The following RBFOX1 variants were observed in gnomAD, a reference collection of about 807,000 sequenced individuals.
RBFOX1 encodes RNA binding fox-1 homolog 1, also known as RNA binding protein fox-1 homolog 1.
A neutral mutation model predicts 57.7 loss-of-function variants in RBFOX1; 8 were observed. The ratio of observed to expected loss-of-function variants is 0.14; its 90% confidence interval spans 0.08 to 0.25. The LOEUF is 0.25. RBFOX1 is among the 10% of genes least tolerant of loss of function. The pLI, the probability that RBFOX1 is intolerant of heterozygous loss-of-function variation, is 1.00. For missense variants in RBFOX1, 611 were observed against 548.5 expected (o/e 1.11, Z -1.14); for synonymous variants, 326 against 222.4 (o/e 1.47, Z -4.15).
At chr16:5,364,907 G>A (rs564784424) in intron 1 of RBFOX1, among the ~76,000 whole-genome samples, 4 of 152,262 alleles carry the variant, frequency 2.6e-5, no homozygotes, top group Middle Eastern at 6.8e-3. Context: ...CCTCCATGAT[G>A]TCACGCTGGA....
At chr16:6,030,868 A>G (rs997312772) in intron 1 of RBFOX1, among the ~76,000 whole-genome samples, 8 of 152,174 alleles carry the variant, frequency 5.3e-5, no homozygotes, top group African/African-American at 1.9e-4. Flanking sequence ...GCATTCAGCA[A>G]ACATTTTTGA....
rs1555822424 is a variant in RBFOX1, at chr16:7,054,215, G to GGGT, written c.27+2119_27+2120insTGG. Among the ~76,000 whole-genome samples the GGGT allele has an allele frequency of 1.8e-3, 58 of 32,546 alleles. 4 individuals are homozygous for GGGT. Among genetic ancestry groups the GGGT allele is most frequent in the African/African-American group, 3.5e-3 (57 of 16,254 alleles). 21.4% of individuals were successfully genotyped at this position (32,546 alleles called of 152,430 possible). A position where few individuals can be genotyped will look rare whatever the true frequency, so the allele number is the denominator to read the frequency against. ...CTTATTAAGGTGATTTTTTTTTTCG[G>GGGT]GGGGGGGGGGCGGGGAGCTTTTTTT... On this transcript the variant is annotated intron_variant, in intron 4 of 15. Transcript: ENST00000550418.
At position 6,806,824 on chromosome 16, in the gene RBFOX1, A is replaced by ATG. The variant is rs2086906992; in HGVS notation, c.-16+152175_-16+152176insGT. Among the ~76,000 whole-genome samples, 3 of 69,726 alleles carry ATG rather than the reference A, an allele frequency of 4.3e-5. No homozygotes were observed. In the Admixed American group the frequency reaches 4.8e-4, roughly 11 times the overall value. The allele number at this position is 69,726 out of a possible 152,430, so 45.7% of individuals were successfully genotyped here. A position where few individuals can be genotyped will look rare whatever the true frequency, so the allele number is the denominator to read the frequency against. On this transcript the variant is annotated intron_variant, in intron 3 of 15. Transcript: ENST00000550418. ...TATATAAATAAATATATAAATATAT[A>ATG]TATATATATATATTTTTTTTTTTTT...
Position 6,850,326 on chromosome 16 carries a change from G to T in RBFOX1, c.-16+195676G>T, listed in dbSNP as rs111515255. Among the ~76,000 whole-genome samples the T allele has an allele frequency of 8.3e-3, 1,256 of 152,230 alleles. 14 individuals carry two copies. Among genetic ancestry groups the T allele is most frequent in the African/African-American group, 0.029 (1,189 of 41,548 alleles). On this transcript the variant is annotated intron_variant, in intron 3 of 15. Coordinates refer to ENST00000550418, the MANE Select transcript of RBFOX1 (RefSeq NM_018723.4). ...CAGGTACGATGAAAGAATAAACTAC[G>T]TTGTTCTACAAAATAAAATTAAGGT...
At chr16:7,534,312 C>T (rs1365966875) in intron 5 of RBFOX1, among the ~76,000 whole-genome samples, 6 of 151,822 alleles carry the variant, frequency 4.0e-5, no homozygotes, top group Admixed American at 2.0e-4. Flanking sequence ...AGGCTGGTCT[C>T]GAACTCCTGG....
intron 2 of RBFOX1, among the ~76,000 whole-genome samples, chr16:6,564,493 C>A (rs1008572593): frequency 2.0e-5 from 3 of 152,022 alleles, no homozygotes; most frequent in Non-Finnish European, 2.9e-5. Flanking sequence ...AATAAACAAA[C>A]AAACACATGG....
intron 1 of RBFOX1, among the ~76,000 whole-genome samples, chr16:5,253,712 G>T (rs1279229132): frequency 6.6e-6 from 1 of 152,238 alleles, no homozygotes; most frequent in Admixed American, 6.5e-5. Flanking sequence ...TGCAAGTCCT[G>T]TATGAGGTGG....
At chr16:5,525,115 G>T (rs1304552561) in intron 2 of RBFOX1, among the ~76,000 whole-genome samples, 1 of 152,152 alleles carries the variant, frequency 6.6e-6, no homozygotes, top group African/African-American at 2.4e-5. Context: ...CTCCTCAGTA[G>T]ATGTGTTGAC....
In RBFOX1 at chr16:7,709,060, G is replaced by C. The variant is rs535313416; in HGVS notation, c.1000G>C (p.Gly334Arg). Reference protein sequence around the residue: ...ATAAAYSDSYGRVYAADPYHH... With the variant: ...ATAAAYSDSYRRVYAADPYHH... ...TCACCTCTATTTTCCTTTCAGTTACGGACGAGTTTATGCTGCCGACCCCTA... is the reference window on the plus strand; with the variant it reads ...TCACCTCTATTTTCCTTTCAGTTACCGACGAGTTTATGCTGCCGACCCCTA... The change falls in exon 15 of 16, where the codon GGA becomes CGA. Residue 334 changes from glycine to arginine, a missense_variant. Physicochemically the swap from Gly to Arg is moderately radical, Grantham distance 125. Coordinates refer to ENST00000550418, the MANE Select transcript of RBFOX1 (RefSeq NM_018723.4). 2 of 1,612,934 alleles carry C rather than the reference G, an allele frequency of 1.2e-6. No homozygotes were observed. Among genetic ancestry groups the C allele is most frequent in the Admixed American group, 1.7e-5 (1 of 59,988 alleles).
chr16:6,925,596 G>C (rs1263871573), intron 3 of RBFOX1, among the ~76,000 whole-genome samples: 3 of 151,910 alleles, frequency 2.0e-5, no homozygotes, highest in Admixed American at 6.6e-5. Context: ...GCATAGAGGA[G>C]GCAATCCATA....
chr16:5,656,783 T>G (rs2151378934), intron 3 of RBFOX1, among the ~76,000 whole-genome samples: 1 of 152,318 alleles, frequency 6.6e-6, no homozygotes, highest in Non-Finnish European at 1.5e-5. Context: ...CCACATTTTC[T>G]TTATCCAGTC....
chr16:5,768,718 C>G (rs150809225), intron 3 of RBFOX1, among the ~76,000 whole-genome samples: 1 of 152,134 alleles, frequency 6.6e-6, no homozygotes, highest in Non-Finnish European at 1.5e-5. Context: ...CACGTAGGTG[C>G]TGTTGAAACA....
intron 3 of RBFOX1, among the ~76,000 whole-genome samples, chr16:6,758,673 C>G (rs1303941111): frequency 1.3e-5 from 2 of 152,128 alleles, no homozygotes; most frequent in South Asian, 2.1e-4. Flanking sequence ...GCAAGACACA[C>G]CACCAATTTA....
At chr16:6,374,051 G>A (rs1191549645) in intron 2 of RBFOX1, among the ~76,000 whole-genome samples, 1 of 152,166 alleles carries the variant, frequency 6.6e-6, no homozygotes, top group African/African-American at 2.4e-5. Context: ...CAGTAAGTCA[G>A]TTAGAAAACC....
intron 1 of RBFOX1, among the ~76,000 whole-genome samples, chr16:6,248,729 C>T (rs193074546): frequency 1.0e-3 from 156 of 152,114 alleles, no homozygotes; most frequent in African/African-American, 3.6e-3. Context: ...ATTGGGCTTC[C>T]GAGATTCAAA....
At chr16:5,239,780 C>A, upstream of RBFOX1, 1 of 620,392 alleles carries the variant, frequency 1.6e-6, no homozygotes, top group South Asian at 2.0e-5. Flanking sequence ...CCCAGCTCCG[C>A]GCCGCGCGGA....
intron 4 of RBFOX1, among the ~76,000 whole-genome samples, chr16:7,472,972 C>CTATGCCTTTTATAGGG (rs1188454718): frequency 6.6e-6 from 1 of 152,126 alleles, no homozygotes; most frequent in Non-Finnish European, 1.5e-5. Flanking sequence ...CTTTCATAGG[C>CTATGCCTTTTATAGGG]TGTGTGATGT....
At chr16:5,470,215 G>A (rs2069087971) in intron 2 of RBFOX1, among the ~76,000 whole-genome samples, 2 of 152,232 alleles carry the variant, frequency 1.3e-5, no homozygotes, top group South Asian at 2.1e-4. Flanking sequence ...TGTCCTGCAT[G>A]TGGAACATCA....
At chr16:7,000,949 G>T (rs958075017) in intron 3 of RBFOX1, among the ~76,000 whole-genome samples, 8 of 152,042 alleles carry the variant, frequency 5.3e-5, no homozygotes, top group Admixed American at 2.6e-4. Context: ...ACCACATAAT[G>T]CTTTTCTTTA....
Sources: gnomAD v4.1 joint callset for allele counts (sites outside exome capture counted in the v4.1 genomes callset) on GRCh38, gnomAD v4.1.1 for gene constraint, MANE v1.5 for transcripts, NCBI Gene and HGNC (gene_info 2026-07-23, HGNC 2026-07-21) for gene names.